The following SLC44A5 variants were observed in gnomAD, a reference collection of about 807,000 sequenced individuals.
SLC44A5 encodes solute carrier family 44 member 5.
Under a neutral mutation model 101.8 loss-of-function variants are expected in SLC44A5, and 57 were observed. The observed-to-expected ratio is 0.56, with a 90% CI of 0.45 to 0.70. SLC44A5 has a LOEUF of 0.70. SLC44A5 is among the 30% of genes least tolerant of loss of function. SLC44A5 has a pLI of 0.00. For missense variants in SLC44A5, 737 were observed against 853.1 expected, an observed-to-expected ratio of 0.86 and a Z score of 1.70; for synonymous variants, 281 against 290.9, an observed-to-expected ratio of 0.97 and a Z score of 0.35.
At chr1:75,574,959 G>T (rs976094663) in intron 1 of SLC44A5, among the ~76,000 whole-genome samples, 7 of 152,096 alleles carry the variant, frequency 4.6e-5, no homozygotes, top group African/African-American at 1.7e-4. Flanking sequence ...CAAGGACAAT[G>T]AAGAATGAGA....
At chr1:75,654,684 A>G in the SLC44A5 span, among the ~76,000 whole-genome samples, 12 of 152,194 alleles carry the variant, frequency 7.9e-5, no homozygotes, top group Admixed American at 2.0e-4. Flanking sequence ...GAAGCCCATT[A>G]AAAGACCTCC....
In SLC44A5 at chr1:75,436,255, A is replaced by C. The variant is rs753740888; in HGVS notation, c.14-39634T>G. Among the ~76,000 whole-genome samples, 5 of 152,226 alleles carry C rather than the reference A, an allele frequency of 3.3e-5. No homozygotes were observed. The East Asian group carries it at 9.7e-4, about 29-fold the overall frequency. ...GCAGCTAATGTTCATAATTATCACG[A>C]TGAATTTAAGTAATAGGGTAAATGT... On this transcript the variant is annotated intron_variant, in intron 2 of 23. Transcript: ENST00000370859.
intron 2 of SLC44A5, among the ~76,000 whole-genome samples, chr1:75,469,350 C>G (rs1208943772): frequency 6.6e-6 from 1 of 152,096 alleles, no homozygotes; most frequent in Non-Finnish European, 1.5e-5. Context: ...GTTGAAAATA[C>G]TTATGAAAGG....
the SLC44A5 span, among the ~76,000 whole-genome samples, chr1:75,670,095 A>G: frequency 6.6e-6 from 1 of 152,212 alleles, no homozygotes; most frequent in African/African-American, 2.4e-5. Flanking sequence ...AAGACTTCTA[A>G]AATACAAAAA....
At chr1:75,434,198 G>GA (rs1454740092) in intron 2 of SLC44A5, among the ~76,000 whole-genome samples, 1 of 152,096 alleles carries the variant, frequency 6.6e-6, no homozygotes, top group East Asian at 1.9e-4. Context: ...AAACTTGAGT[G>GA]ATTTTTAAGG....
chr1:75,704,951 T>C, the SLC44A5 span, among the ~76,000 whole-genome samples: 1 of 152,152 alleles, frequency 6.6e-6, no homozygotes, highest in Non-Finnish European at 1.5e-5. Flanking sequence ...ACTTAGCTAG[T>C]TTTCCTAGTT....
At chr1:75,464,130 G>A (rs1326381133) in intron 2 of SLC44A5, among the ~76,000 whole-genome samples, 7 of 147,448 alleles carry the variant, frequency 4.7e-5, no homozygotes, top group Non-Finnish European at 8.9e-5. Context: ...GCTGAGGCAG[G>A]AGAATCACTT....
chr1:75,404,796 C>A (rs1662738036), intron 2 of SLC44A5, among the ~76,000 whole-genome samples: 1 of 152,072 alleles, frequency 6.6e-6, no homozygotes, highest in Non-Finnish European at 1.5e-5. Context: ...AACTAATGGG[C>A]AAAATAACTA....
chr1:75,680,569 C>A, the SLC44A5 span, among the ~76,000 whole-genome samples: 6 of 151,306 alleles, frequency 4.0e-5, no homozygotes, highest in Middle Eastern at 3.2e-3. Context: ...CCAACGAAAA[C>A]AAAGACACAA....
chr1:75,656,687 C>T, the SLC44A5 span, among the ~76,000 whole-genome samples: 1 of 151,982 alleles, frequency 6.6e-6, no homozygotes, highest in African/African-American at 2.4e-5. Context: ...TAAAAACAAA[C>T]AGCAGAGAAA....
chr1:75,261,513 T>G lies in SLC44A5; in HGVS notation c.261-10219A>C, dbSNP rs547843447. On this transcript the variant is annotated intron_variant, in intron 6 of 23. Transcript: ENST00000370859. ...ATAGACCAGTAACAAGTTCTGAAAT[T>G]GAGGCAGCAATTAATAGCCTACCAA... Among the ~76,000 whole-genome samples the G allele has an allele frequency of 1.3e-4, 20 of 152,216 alleles. No individual in the cohort carries two copies. In the South Asian group the frequency reaches 3.9e-3, roughly 30 times the overall value.
intron 2 of SLC44A5, among the ~76,000 whole-genome samples, chr1:75,479,629 G>A (rs375290394): frequency 8.4e-5 from 11 of 130,912 alleles, no homozygotes; most frequent in South Asian, 2.3e-4. Context: ...ACACCTCTAC[G>A]CAAATGAACT....
At chr1:75,268,460 T>C (rs1174974286) in intron 6 of SLC44A5, among the ~76,000 whole-genome samples, 1 of 152,154 alleles carries the variant, frequency 6.6e-6, no homozygotes, top group Non-Finnish European at 1.5e-5. Flanking sequence ...TTATTGAGAA[T>C]CTCCCTTTAA....
chr1:75,238,511 A>G lies in SLC44A5; in HGVS notation c.656+2T>C. 6.3e-7 allele frequency: 1 copy of G among 1,590,272 alleles called. No individual in the cohort carries two copies. Among genetic ancestry groups the G allele is most frequent in the Non-Finnish European group, 8.5e-7 (1 of 1,170,264 alleles). ...TGAAAATTAGAATGTAAACACACAT[A>G]CTTTGCAGCAATCCCGAGTTCTACA... On this transcript the variant is annotated splice_donor_variant, in intron 10 of 23. Transcript: ENST00000370859. LOFTEE classifies it high-confidence loss of function.
intron 3 of SLC44A5, among the ~76,000 whole-genome samples, chr1:75,377,239 A>G (rs1660694897): frequency 7.5e-6 from 1 of 132,748 alleles, no homozygotes; most frequent in Non-Finnish European, 1.6e-5. Flanking sequence ...GCTCTCTGAA[A>G]CGTGTGCTGT....
intron 2 of SLC44A5, among the ~76,000 whole-genome samples, chr1:75,539,602 T>A (rs904882142): frequency 2.8e-4 from 42 of 147,442 alleles, no homozygotes; most frequent in African/African-American, 1.0e-3. Context: ...AAAAAAAAAA[T>A]GGAATTTAAA....
chr1:75,300,001 T>A (rs901574003), intron 5 of SLC44A5, among the ~76,000 whole-genome samples: 10 of 114,628 alleles, frequency 8.7e-5, no homozygotes, highest in African/African-American at 4.1e-4. Flanking sequence ...GGGAACACAG[T>A]GAGACTCTGT....
chr1:75,400,841 C>T (rs1369249536), intron 2 of SLC44A5, among the ~76,000 whole-genome samples: 1 of 152,214 alleles, frequency 6.6e-6, no homozygotes, highest in Non-Finnish European at 1.5e-5. Flanking sequence ...CATGATGCTG[C>T]CATTTATCTG....
At chr1:75,604,587 A>G (rs1403531585) in intron 1 of SLC44A5, among the ~76,000 whole-genome samples, 1 of 152,120 alleles carries the variant, frequency 6.6e-6, no homozygotes, top group East Asian at 1.9e-4. Context: ...TAGAAATAGC[A>G]TTGAATCTGT....
Sources: gnomAD v4.1 joint callset for allele counts (sites outside exome capture counted in the v4.1 genomes callset) on GRCh38, gnomAD v4.1.1 for gene constraint, MANE v1.5 for transcripts, NCBI Gene and HGNC (gene_info 2026-07-23, HGNC 2026-07-21) for gene names.